ROBO2: variants seen among roughly 807,000 people sequenced by gnomAD.
The protein encoded by ROBO2 is roundabout homolog 2.
In ROBO2, 53 loss-of-function variants were observed where a neutral mutation model predicts 160.8. The ratio of observed to expected loss-of-function variants is 0.33; its 90% CI spans 0.26 to 0.41. ROBO2 has a LOEUF of 0.41. ROBO2 is among the 10% of genes least tolerant of loss of function. ROBO2 has a pLI of 1.00. For missense variants in ROBO2, 1,577 were observed against 1,722.4 expected (o/e 0.92, Z 1.49); for synonymous variants, 664 against 611.7 (o/e 1.09, Z -1.26).
chr3:76,826,984 G>A (rs1407132512), intron 2 of ROBO2, among the ~76,000 whole-genome samples: 1 of 152,188 alleles, frequency 6.6e-6, no homozygotes, highest in Non-Finnish European at 1.5e-5. Context: ...TCAGGCTGAT[G>A]TTTGTGTGTT....
chr3:76,653,580 T>C (rs2091352122), intron 2 of ROBO2, among the ~76,000 whole-genome samples: 1 of 151,944 alleles, frequency 6.6e-6, no homozygotes, highest in African/African-American at 2.4e-5. Context: ...TATCCTGCTT[T>C]TTTTTAAATT....
At chr3:76,596,792 G>A (rs1434393132) in intron 2 of ROBO2, among the ~76,000 whole-genome samples, 2 of 152,060 alleles carry the variant, frequency 1.3e-5, no homozygotes, top group Non-Finnish European at 2.9e-5. Flanking sequence ...ATTAAAGGTG[G>A]TATAGGAGAC....
chr3:76,860,733 T>TAA (rs1276805657), intron 2 of ROBO2, among the ~76,000 whole-genome samples: 1 of 151,938 alleles, frequency 6.6e-6, no homozygotes, highest in Non-Finnish European at 1.5e-5. Flanking sequence ...TTACTATATA[T>TAA]AATCATACTT....
chr3:76,549,680 T>C (rs2083304405), intron 2 of ROBO2, among the ~76,000 whole-genome samples: 2 of 152,180 alleles, frequency 1.3e-5, no homozygotes, highest in Admixed American at 6.5e-5. Flanking sequence ...TGACGCATCT[T>C]AGGGATAGTG....
intron 2 of ROBO2, among the ~76,000 whole-genome samples, chr3:76,273,578 G>A (rs1211817396): frequency 6.6e-6 from 1 of 152,098 alleles, no homozygotes; most frequent in East Asian, 1.9e-4. Flanking sequence ...CATGATGGCA[G>A]GCAGAGAAGT....
chr3:76,412,792 A>G (rs899008564), intron 2 of ROBO2, among the ~76,000 whole-genome samples: 2 of 152,082 alleles, frequency 1.3e-5, no homozygotes, highest in Non-Finnish European at 2.9e-5. Context: ...TGGCTTTTCC[A>G]GGCTCAGAGT....
chr3:76,082,499 A>G (rs2108036011), intron 2 of ROBO2, among the ~76,000 whole-genome samples: 1 of 152,244 alleles, frequency 6.6e-6, no homozygotes, highest in African/African-American at 2.4e-5. Context: ...ATTGACTCTT[A>G]TCTGTATACA....
At chr3:77,141,527 T>G (rs1272343902) in intron 2 of ROBO2, among the ~76,000 whole-genome samples, 1 of 152,202 alleles carries the variant, frequency 6.6e-6, no homozygotes, top group African/African-American at 2.4e-5. Flanking sequence ...TCACTTTTCT[T>G]ACATCCTACC....
chr3:76,397,833 T>C (rs1205510597), intron 2 of ROBO2, among the ~76,000 whole-genome samples: 1 of 151,712 alleles, frequency 6.6e-6, no homozygotes, highest in Non-Finnish European at 1.5e-5. Context: ...CAACAGGTGC[T>C]GGAGAGGATG....
intron 9 of ROBO2, among the ~76,000 whole-genome samples, chr3:77,558,501 A>G (rs964606557): frequency 6.6e-6 from 1 of 152,118 alleles, no homozygotes; most frequent in Non-Finnish European, 1.5e-5. Flanking sequence ...TTCATTCGCA[A>G]AAGAAATTGT....
rs771901459 is a variant in ROBO2 at position 76,233,123 on chromosome 3, C to T, written c.109+295521C>T. Among the ~76,000 whole-genome samples the T allele has an allele frequency of 1.5e-4, 23 of 151,890 alleles. 1 individual carries two copies. The South Asian group carries it at 2.1e-3, about 14-fold the overall frequency. On this transcript the variant is annotated intron_variant, in intron 2 of 26. Coordinates refer to the ROBO2 transcript ENST00000487694. ...TTTTTCTACATCAATTCAAAGTTTA[C>T]TGCCAGGTGTTATTCTATTTTTTTT...
intron 2 of ROBO2, among the ~76,000 whole-genome samples, chr3:76,442,921 T>A (rs2076992104): frequency 1.3e-5 from 2 of 152,146 alleles, no homozygotes; most frequent in African/African-American, 4.8e-5. Context: ...CATAGGTAAA[T>A]GTGTTAGTCT....
At chr3:75,928,304 C>A (rs1265107614) in intron 1 of ROBO2, among the ~76,000 whole-genome samples, 2 of 152,144 alleles carry the variant, frequency 1.3e-5, no homozygotes, top group East Asian at 3.9e-4. Context: ...TTAGCTCTGT[C>A]CAGGGCAAAC....
At chr3:76,880,675 T>C (rs1232482069) in intron 2 of ROBO2, among the ~76,000 whole-genome samples, 1 of 152,186 alleles carries the variant, frequency 6.6e-6, no homozygotes, top group African/African-American at 2.4e-5. Flanking sequence ...ATACAACTTA[T>C]GTTCTCATAT....
chr3:76,762,907 T>G (rs1046826171), intron 2 of ROBO2, among the ~76,000 whole-genome samples: 9 of 151,670 alleles, frequency 5.9e-5, no homozygotes, highest in African/African-American at 1.7e-4. Flanking sequence ...CCCAACCTCT[T>G]TCATTCATAT....
chr3:76,597,312 T>C (rs1248917559), intron 2 of ROBO2, among the ~76,000 whole-genome samples: 1 of 151,818 alleles, frequency 6.6e-6, no homozygotes, highest in Non-Finnish European at 1.5e-5. Context: ...GTGAAGAGGA[T>C]GAAAAGAAAA....
chr3:76,831,600 A>C (rs2067101036), intron 2 of ROBO2, among the ~76,000 whole-genome samples: 1 of 152,172 alleles, frequency 6.6e-6, no homozygotes, highest in Admixed American at 6.5e-5. Flanking sequence ...GTTATAGGAG[A>C]CCAGCGCAGC....
chr3:76,219,220 C>A lies in ROBO2; in HGVS notation c.109+281618C>A, dbSNP rs1009623273. Among the ~76,000 whole-genome samples the A allele has an allele frequency of 2.0e-5, 3 of 152,116 alleles. No individual in the cohort carries two copies. The East Asian group carries it at 5.8e-4, about 29-fold the overall frequency. On this transcript the variant is annotated intron_variant, in intron 2 of 26. Coordinates refer to the ROBO2 transcript ENST00000487694. ...TAAAAACCATGTAAAACCATAAAAACCCTAGAAGAAAAACTAGGCAATACC... is the reference window on the plus strand; with the variant it reads ...TAAAAACCATGTAAAACCATAAAAAACCTAGAAGAAAAACTAGGCAATACC...
chr3:77,395,036 C>G (rs1036833516), intron 2 of ROBO2, among the ~76,000 whole-genome samples: 8 of 152,050 alleles, frequency 5.3e-5, no homozygotes, highest in African/African-American at 1.9e-4. Context: ...GGAAATGATT[C>G]CTTAGTAGTT....
Sources: gnomAD v4.1 joint callset for allele counts (sites outside exome capture counted in the v4.1 genomes callset) on GRCh38, gnomAD v4.1.1 for gene constraint, MANE v1.5 for transcripts, NCBI Gene and HGNC (gene_info 2026-07-23, HGNC 2026-07-21) for gene names.